The following UNC5D variants were observed in gnomAD, a reference collection of about 807,000 sequenced individuals.
The protein encoded by UNC5D is unc-5 netrin receptor D.
UNC5D carries 39 observed loss-of-function variants against 105.4 expected under a neutral mutation model. The observed-to-expected ratio is 0.37, with a 90% CI of 0.29 to 0.48. The LOEUF is 0.48. Among genes scored for constraint, UNC5D ranks in the 20% least tolerant of loss-of-function variants. The pLI is 0.98. For synonymous variants in UNC5D, 452 were observed against 450.4 expected (o/e 1.00, Z -0.04); for missense variants, 991 against 1,202.4 (o/e 0.82, Z 2.60).
intron 1 of UNC5D, among the ~76,000 whole-genome samples, chr8:35,449,767 C>T (rs1390000951): frequency 6.6e-6 from 1 of 152,142 alleles, no homozygotes; most frequent in Non-Finnish European, 1.5e-5. Context: ...CTACTGTTTG[C>T]ACATGGTAGT....
intron 1 of UNC5D, among the ~76,000 whole-genome samples, chr8:35,533,761 T>C (rs1056749324): frequency 6.6e-6 from 1 of 152,168 alleles, no homozygotes; most frequent in Non-Finnish European, 1.5e-5. Flanking sequence ...TCGCCGTTTT[T>C]TTAGCCGGTC....
At chr8:35,372,606 T>A (rs950347366) in intron 1 of UNC5D, among the ~76,000 whole-genome samples, 6 of 152,074 alleles carry the variant, frequency 3.9e-5, no homozygotes, top group Admixed American at 2.0e-4. Context: ...ATTTTATTAT[T>A]TTTTTTTCTT....
intron 4 of UNC5D, among the ~76,000 whole-genome samples, chr8:35,598,131 T>A (rs949448081): frequency 1.3e-5 from 2 of 152,100 alleles, no homozygotes; most frequent in Non-Finnish European, 2.9e-5. Context: ...TAAGGCCTGC[T>A]CTGTACACTC....
At chr8:35,536,687 T>C (rs1352457188) in intron 1 of UNC5D, among the ~76,000 whole-genome samples, 2 of 152,118 alleles carry the variant, frequency 1.3e-5, no homozygotes, top group Non-Finnish European at 2.9e-5. Flanking sequence ...ATTAATGAAT[T>C]GGAAGAAATA....
intron 1 of UNC5D, among the ~76,000 whole-genome samples, chr8:35,265,956 T>C (rs1251320213): frequency 1.3e-5 from 2 of 151,348 alleles, no homozygotes; most frequent in Admixed American, 6.6e-5. Context: ...GGAGAGAGGG[T>C]AGAGATATAA....
intron 1 of UNC5D, among the ~76,000 whole-genome samples, chr8:35,504,465 T>C (rs1812181748): frequency 6.6e-6 from 1 of 152,200 alleles, no homozygotes. Flanking sequence ...ACCTTCAAGC[T>C]AATAACTTGC....
chr8:35,706,076 G>C (rs749487922), intron 8 of UNC5D, 115 bp downstream of exon 8: 2 of 639,900 alleles, frequency 3.1e-6, no homozygotes, highest in Non-Finnish European at 5.0e-6. Context: ...CAGGGCTTTC[G>C]AGGCCTCTCC....
chr8:35,345,876 T>C (rs1384416043), intron 1 of UNC5D, among the ~76,000 whole-genome samples: 4 of 152,046 alleles, frequency 2.6e-5, no homozygotes, highest in Non-Finnish European at 4.4e-5. Flanking sequence ...GTCATCTCTT[T>C]GTAAAGAGCA....
At chr8:35,488,872 T>C (rs1484785483) in intron 1 of UNC5D, among the ~76,000 whole-genome samples, 1 of 152,124 alleles carries the variant, frequency 6.6e-6, no homozygotes, top group Non-Finnish European at 1.5e-5. Context: ...TATTTAGAGA[T>C]TTGACATTTG....
intron 1 of UNC5D, among the ~76,000 whole-genome samples, chr8:35,338,586 C>T (rs1255544936): frequency 1.3e-5 from 2 of 152,054 alleles, no homozygotes; most frequent in South Asian, 2.1e-4. Context: ...GTACTGAATG[C>T]CCATTGCAGG....
chr8:35,281,207 A>C (rs1236406221), intron 1 of UNC5D, among the ~76,000 whole-genome samples: 1 of 151,934 alleles, frequency 6.6e-6, no homozygotes, highest in African/African-American at 2.4e-5. Context: ...GCCCTGATGA[A>C]AATTCACCTC....
At chr8:35,255,772 C>G (rs903633134) in intron 1 of UNC5D, 4 of 152,156 alleles carry the variant, frequency 2.6e-5, no homozygotes, top group African/African-American at 9.7e-5. Context: ...AAATTATATT[C>G]TGCTTTTTTT....
intron 1 of UNC5D, among the ~76,000 whole-genome samples, chr8:35,509,220 A>T (rs1395329939): frequency 6.6e-6 from 1 of 151,936 alleles, no homozygotes; most frequent in African/African-American, 2.4e-5. Flanking sequence ...ACAGGGCCAG[A>T]GGGAGTATCA....
At position 35,413,579 on chromosome 8, in the gene UNC5D, T is replaced by A. The variant is rs1017691734; in HGVS notation, c.104-135713T>A. 2.0e-5 allele frequency among the ~76,000 whole-genome samples: 3 copies of A among 151,894 alleles called. No individual in the cohort carries two copies. The South Asian group carries it at 6.2e-4, about 32-fold the overall frequency. ...TGATGATTGCCCTTTGACTTTCTGC[T>A]ACTATCTAAGTCACATGACAACATT... On this transcript the variant is annotated intron_variant, in intron 1 of 16. Coordinates refer to ENST00000404895, the MANE Select transcript of UNC5D (RefSeq NM_080872.4).
chr8:35,491,075 C>G (rs918481930), intron 1 of UNC5D, among the ~76,000 whole-genome samples: 3 of 151,914 alleles, frequency 2.0e-5, no homozygotes, highest in African/African-American at 7.3e-5. Flanking sequence ...TTTTTACTAC[C>G]TGAACTTCGC....
chr8:35,563,694 A>G (rs1320398846), intron 2 of UNC5D, among the ~76,000 whole-genome samples: 5 of 151,946 alleles, frequency 3.3e-5, no homozygotes, highest in Admixed American at 6.6e-5. Context: ...GTTGTGTTTC[A>G]GATTAAGGGG....
chr8:35,461,275 G>C (rs1808873304), intron 1 of UNC5D, among the ~76,000 whole-genome samples: 1 of 152,182 alleles, frequency 6.6e-6, no homozygotes, highest in Non-Finnish European at 1.5e-5. Context: ...TGTTTCTGTT[G>C]ATGAGCTGGG....
chr8:35,609,308 T>A (rs183750313), intron 4 of UNC5D, among the ~76,000 whole-genome samples: 68 of 152,284 alleles, frequency 4.5e-4, no homozygotes, highest in African/African-American at 1.6e-3. Flanking sequence ...CTCAAACACT[T>A]GCATTATTTT....
At chr8:35,533,388 G>T (rs1002310538) in intron 1 of UNC5D, among the ~76,000 whole-genome samples, 2 of 152,016 alleles carry the variant, frequency 1.3e-5, no homozygotes, top group African/African-American at 4.8e-5. Flanking sequence ...CCCACTTGAG[G>T]AGGCAGTCTG....
Sources: gnomAD v4.1 joint callset for allele counts (sites outside exome capture counted in the v4.1 genomes callset) on GRCh38, gnomAD v4.1.1 for gene constraint, MANE v1.5 for transcripts, NCBI Gene and HGNC (gene_info 2026-07-23, HGNC 2026-07-21) for gene names.